The following CR1 variants were observed in gnomAD, a reference collection of about 807,000 sequenced individuals.
CR1 encodes complement receptor type 1.
In CR1, 116 loss-of-function variants were observed where a neutral mutation model predicts 187.3. The ratio of observed to expected loss-of-function variants is 0.62; its 90% CI spans 0.53 to 0.72. The LOEUF is 0.72. Among genes scored for constraint, CR1 ranks in the 30% least tolerant of loss-of-function variants. The pLI is 0.00. For synonymous variants in CR1, 576 were observed against 747.1 expected, an observed-to-expected ratio of 0.77 and a Z score of 3.73; for missense variants, 1,731 against 2,110.7, an observed-to-expected ratio of 0.82 and a Z score of 3.52.
In CR1 at chr1:207,622,001, GT is replaced by G. The variant is rs1433837680; in HGVS notation, c.7276+9del. On this transcript the variant is annotated splice_donor_region_variant and intron_variant, in intron 44 of 46. Coordinates refer to ENST00000367049, the MANE Select transcript of CR1 (RefSeq NM_000651.6). ...CACATGATGCTCTCATAGTTGGTAAGTTTTATGAAAGTTTTGCTGAGGAATT... is the reference window on the plus strand; with the variant it reads ...CACATGATGCTCTCATAGTTGGTAAGTTTATGAAAGTTTTGCTGAGGAATT... 22 of 1,595,538 alleles carry G rather than the reference GT, an allele frequency of 1.4e-5. No homozygotes were observed. The highest frequency in any genetic ancestry group is 1.5e-5 in the Non-Finnish European group (17 of 1,169,328).
chr1:207,637,850 TG>T (rs968991985), intron 46 of CR1, among the ~76,000 whole-genome samples: 19 of 152,314 alleles, frequency 1.2e-4, no homozygotes, highest in African/African-American at 4.6e-4. Flanking sequence ...AAATGTCTAG[TG>T]GGTATCCAAA....
rs1383335271 is a variant in CR1, at chr1:207,575,669, C to G, written c.4526C>G (p.Pro1509Arg). The G allele has an allele frequency of 2.5e-6, 4 of 1,611,716 alleles. No individual in the cohort carries two copies. The African/African-American group carries it at 5.3e-5, about 22-fold the overall frequency. ...GNTAHWSTKPPICQRIPCGLP... is the reference protein window; with the variant it reads ...GNTAHWSTKPRICQRIPCGLP... ...ACTGCCCATTGGAGCACGAAGCCGCCAATTTGTCAACGTGAGTTGAAATCT... is the reference window on the plus strand; with the variant it reads ...ACTGCCCATTGGAGCACGAAGCCGCGAATTTGTCAACGTGAGTTGAAATCT... The change falls in exon 28 of 47, where the codon CCA (proline) becomes CGA (arginine). Residue 1509 changes from proline to arginine, a missense_variant. By Grantham distance (103) the Pro-to-Arg change is moderately radical (BLOSUM62 -2). Coordinates refer to ENST00000367049, the MANE Select transcript of CR1 (RefSeq NM_000651.6).
intron 27 of CR1, among the ~76,000 whole-genome samples, chr1:207,572,924 A>G (rs1185346798): frequency 6.6e-6 from 1 of 151,252 alleles, no homozygotes. Flanking sequence ...CTCTCTGTGC[A>G]TGTCTGTTTC....
intron 45 of CR1, among the ~76,000 whole-genome samples, chr1:207,630,144 G>A (rs775668830): frequency 1.3e-5 from 2 of 152,168 alleles, no homozygotes; most frequent in African/African-American, 2.4e-5. Flanking sequence ...AGGAAGCCTC[G>A]TGTAACACTG....
chr1:207,617,602 TATATATATATAGAGAGAGAG>T (rs1380882239), intron 41 of CR1, among the ~76,000 whole-genome samples: 1,599 of 29,874 alleles, frequency 0.054, 22 homozygotes, highest in South Asian at 0.13. Flanking sequence ...TATATATATA[TATATATATATAGAGAGAGAG>T]AGAGAGAGAG....
Position 207,497,043 on chromosome 1 carries a change from C to T in CR1, c.121+655C>T, listed in dbSNP as rs148594025. ...TGCCCCGCATGGAACTGTCCTCGCCCCCCACACCAAGCCACCACGGCCATC... is the reference window on the plus strand; with the variant it reads ...TGCCCCGCATGGAACTGTCCTCGCCTCCCACACCAAGCCACCACGGCCATC... On this transcript the variant is annotated intron_variant, in intron 1 of 46. Coordinates refer to ENST00000367049, the MANE Select transcript of CR1 (RefSeq NM_000651.6). 5.9e-3 allele frequency among the ~76,000 whole-genome samples: 904 copies of T among 152,292 alleles called. 3 individuals are homozygous for T. The highest frequency in any genetic ancestry group is 0.011 in the Non-Finnish European group (757 of 68,040).
chr1:207,612,854 C>G (rs1571595450), intron 39 of CR1, among the ~76,000 whole-genome samples: 1 of 152,332 alleles, frequency 6.6e-6, no homozygotes, highest in East Asian at 1.9e-4. Flanking sequence ...GGTGCCCAAA[C>G]AGGGGTGCCC....
chr1:207,523,955 G>A lies in CR1; in HGVS notation c.832G>A (p.Val278Met), dbSNP rs1426371821. ...CTTTGTCATGAAAGGACCCCGCCGT[G>A]TGAAGTGCCAGGCCCTGAACAAATG... Reference protein sequence around the residue: ...PGFVMKGPRRVKCQALNKWEP... With the variant: ...PGFVMKGPRRMKCQALNKWEP... The change falls in exon 5 of 47, where the codon GTG (valine) becomes ATG (methionine). Residue 278 changes from valine (V) to methionine (M), a missense_variant. Around this residue, in one of 5 missense-constraint regions of CR1, gnomAD observed 131 missense variants for 196.8 expected, o/e 0.67. Coordinates refer to ENST00000367049, the MANE Select transcript of CR1 (RefSeq NM_000651.6). 21 of 1,611,772 alleles carry A rather than the reference G, an allele frequency of 1.3e-5. No individual in the cohort carries two copies. The highest frequency in any genetic ancestry group is 6.7e-5 in the East Asian group (3 of 44,892).
chr1:207,597,287 AT>A (rs1481567796), intron 35 of CR1, among the ~76,000 whole-genome samples: 34 of 152,262 alleles, frequency 2.2e-4, no homozygotes, highest in African/African-American at 7.5e-4. Context: ...AATGATTCCA[AT>A]CCCCCCTTTT....
intron 35 of CR1, among the ~76,000 whole-genome samples, chr1:207,605,538 A>G (rs1039968448): frequency 6.6e-6 from 1 of 152,036 alleles, no homozygotes; most frequent in African/African-American, 2.4e-5. Context: ...TTTTTCAGCC[A>G]TACATAGGCT....
chr1:207,508,091 G>T (rs1359180580), intron 3 of CR1, among the ~76,000 whole-genome samples: 7 of 152,206 alleles, frequency 4.6e-5, no homozygotes, highest in Non-Finnish European at 1.0e-4. Context: ...TTCTGGAAAA[G>T]GCAAAACTAT....
intron 45 of CR1, among the ~76,000 whole-genome samples, chr1:207,628,926 G>GGCA (rs1179994943): frequency 2.6e-5 from 4 of 152,080 alleles, no homozygotes; most frequent in Admixed American, 2.6e-4. Flanking sequence ...TTTCCATATT[G>GGCA]AGATTTCCTG....
chr1:207,523,965 A>G lies in CR1; in HGVS notation c.842A>G (p.Gln281Arg). The stretch of plus-strand genomic sequence containing the variant: ...AAAGGACCCCGCCGTGTGAAGTGCC[A>G]GGCCCTGAACAAATGGGAGCCGGAG... ...VMKGPRRVKC[Q>R]ALNKWEPELP... The change falls in exon 5 of 47, where the codon CAG (glutamine) becomes CGG (arginine). Residue 281 changes from glutamine to arginine, a missense_variant. Physicochemically the swap from Gln to Arg is conservative, Grantham distance 43. Transcript: ENST00000367049. 12 of 1,611,782 alleles carry G rather than the reference A, an allele frequency of 7.4e-6. No homozygotes were observed. Among genetic ancestry groups the G allele is most frequent in the Non-Finnish European group, 1.0e-5 (12 of 1,179,716 alleles).
intron 45 of CR1, among the ~76,000 whole-genome samples, chr1:207,629,843 T>A (rs1662588526): frequency 1.3e-5 from 2 of 152,226 alleles, no homozygotes. Context: ...ACTCACTCTC[T>A]ATGAGACCCT....
chr1:207,609,275 T>G lies in CR1; in HGVS notation c.5897-15T>G, dbSNP rs1661838737. On this transcript the variant is annotated splice_polypyrimidine_tract_variant and intron_variant, in intron 36 of 46. Transcript: ENST00000367049. ...TAAAAAATAAGCTGTTTTACCATAC[T>G]CTTCCTTCTCTCAGTCATATCTTGT... is the stretch of plus-strand genomic sequence containing the variant. 3 of 1,567,998 alleles carry G rather than the reference T, an allele frequency of 1.9e-6. No individual in the cohort carries two copies. Among genetic ancestry groups the G allele is most frequent in the Admixed American group, 1.9e-5 (1 of 52,514 alleles).
At chr1:207,596,574 A>G (rs182553931) in intron 35 of CR1, among the ~76,000 whole-genome samples, 4 of 152,194 alleles carry the variant, frequency 2.6e-5, no homozygotes, top group Admixed American at 2.0e-4. Flanking sequence ...AGATGGTGCC[A>G]CTGCACCCCA....
rs1436281656 is a variant in CR1, at chr1:207,641,208, A to C, written c.*1799A>C. 1 of 152,158 alleles carries C rather than the reference A, an allele frequency of 6.6e-6. No individual in the cohort carries two copies. The highest frequency in any genetic ancestry group is 1.9e-4 in the East Asian group (1 of 5,202). The allele number at this position is 152,158 out of a possible 1,614,324, so 9.4% of individuals were successfully genotyped here. ...AGTAATTTTTAAAGGAGGACTAGAA[A>C]CTAAGTGATTGGGAATTGGCCTTTT... On this transcript the variant is annotated 3_prime_UTR_variant, in exon 47 of 47. Coordinates refer to ENST00000367049, the MANE Select transcript of CR1 (RefSeq NM_000651.6).
chr1:207,585,799 C>T (rs762579260), intron 33 of CR1, among the ~76,000 whole-genome samples: 25 of 152,030 alleles, frequency 1.6e-4, no homozygotes, highest in African/African-American at 5.8e-4. Context: ...ATGGAGGAAG[C>T]CTTCTCCAAA....
intron 46 of CR1, among the ~76,000 whole-genome samples, chr1:207,634,240 G>T (rs1228385474): frequency 1.3e-5 from 2 of 152,100 alleles, no homozygotes; most frequent in African/African-American, 4.8e-5. Flanking sequence ...CAACTTTTTG[G>T]AAATACTCTT....
Sources: gnomAD v4.1 joint callset for allele counts (sites outside exome capture counted in the v4.1 genomes callset) on GRCh38, gnomAD v4.1.1 for gene constraint, gnomAD v4.1.1 regional missense constraint, MANE v1.5 for transcripts, NCBI Gene and HGNC (gene_info 2026-07-23, HGNC 2026-07-21) for gene names.